The following GNA12 variants were observed in gnomAD, a reference collection of about 807,000 sequenced individuals.
GNA12 encodes the protein G protein subunit alpha 12.
A neutral mutation model predicts 26.0 loss-of-function variants in GNA12; 9 were observed. The observed-to-expected ratio is 0.35, with a 90% confidence interval of 0.21 to 0.60. GNA12 has a LOEUF of 0.60. Ranked by LOEUF, GNA12 falls within the 20% of genes least tolerant of loss-of-function variation. The probability of loss-of-function intolerance (pLI) is 0.78; values close to 1 mark genes in which losing one functional copy is unlikely to be tolerated. For missense variants in GNA12, 405 were observed against 525.8 expected (o/e 0.77, Z 2.25); for synonymous variants, 264 against 219.6 (o/e 1.20, Z -1.79).
At chr7:2,791,488 C>A (rs779785994) in intron 2 of GNA12, among the ~76,000 whole-genome samples, 2 of 152,184 alleles carry the variant, frequency 1.3e-5, no homozygotes, top group African/African-American at 4.8e-5. Flanking sequence ...TTTTTTCCTC[C>A]TCTTTTTGTT....
intron 2 of GNA12, among the ~76,000 whole-genome samples, chr7:2,760,958 C>T (rs970861195): frequency 6.6e-6 from 1 of 152,216 alleles, no homozygotes; most frequent in African/African-American, 2.4e-5. Context: ...CCTGTCCTTC[C>T]CACAGTCTTG....
rs1322984844 is a variant in GNA12 at position 2,729,597 on chromosome 7, G to C, written c.*1584C>G. 6.6e-6 allele frequency: 1 copy of C among 152,358 alleles called. No homozygotes were observed. Among genetic ancestry groups the C allele is most frequent in the Non-Finnish European group, 1.5e-5 (1 of 68,048 alleles). 9.4% of individuals were successfully genotyped at this position (152,358 alleles called of 1,614,324 possible). A position where few individuals can be genotyped will look rare whatever the true frequency, so the allele number is the denominator to read the frequency against. On this transcript the variant is annotated 3_prime_UTR_variant, in exon 4 of 4. Transcript: ENST00000275364. ...TCTTCTGCTTCTGCATCTGCCCCAA[G>C]GGCTTGCGTTTACCGGGTTTGCGGA...
rs1210658341 is a variant in GNA12, at chr7:2,843,889, C to A, written c.273G>T (p.Leu91=). 4.5e-6 allele frequency: 7 copies of A among 1,570,240 alleles called. No homozygotes were observed. In the South Asian group the frequency reaches 8.2e-5, roughly 18 times the overall value. Residue 91 remains leucine, a synonymous_variant, in exon 1 of 4, where the codon CTG becomes CTT. Transcript: ENST00000275364. ...TGTCGAAGATGGTGTCGCGGAACTC[C>A]AGCAGCGCCTTCTGGTCGAACTCGC... ...HGREFDQKAL[L]EFRDTIFDNI...
chr7:2,741,489 T>TA (rs1205606527), intron 2 of GNA12, among the ~76,000 whole-genome samples: 6 of 152,204 alleles, frequency 3.9e-5, no homozygotes, highest in Non-Finnish European at 7.3e-5. Context: ...GACTGCCTGT[T>TA]AGCTTTCTAC....
chr7:2,783,518 C>A (rs958114294), intron 2 of GNA12, among the ~76,000 whole-genome samples: 2 of 152,092 alleles, frequency 1.3e-5, no homozygotes, highest in African/African-American at 4.8e-5. Context: ...AACTTCATTT[C>A]CACCTCCACT....
chr7:2,733,644 G>A (rs1234011316), intron 2 of GNA12, 143 bp from the exon 3 acceptor site: 26 of 656,940 alleles, frequency 4.0e-5, no homozygotes, highest in East Asian at 1.4e-4. Context: ...GAGAGTGTCC[G>A]TGTGTTTTCT....
At chr7:2,803,948 C>A (rs1249906845) in intron 1 of GNA12, among the ~76,000 whole-genome samples, 1 of 152,212 alleles carries the variant, frequency 6.6e-6, no homozygotes, top group Non-Finnish European at 1.5e-5. Flanking sequence ...CTCCCCAACC[C>A]CCACCCGCCA....
intron 2 of GNA12, among the ~76,000 whole-genome samples, chr7:2,742,808 T>G (rs923410064): frequency 1.3e-5 from 2 of 152,260 alleles, no homozygotes; most frequent in African/African-American, 4.8e-5. Flanking sequence ...AATGGCATCT[T>G]TAAACATTTC....
At position 2,729,567 on chromosome 7, in the gene GNA12, C is replaced by T. The variant is rs946502957; in HGVS notation, c.*1614G>A. The T allele has an allele frequency of 3.3e-5, 5 of 152,406 alleles. No individual in the cohort carries two copies. Among genetic ancestry groups the T allele is most frequent in the Non-Finnish European group, 4.4e-5 (3 of 68,056 alleles). The allele number at this position is 152,406 out of a possible 1,614,324, so 9.4% of individuals were successfully genotyped here. On this transcript the variant is annotated 3_prime_UTR_variant, in exon 4 of 4. Transcript: ENST00000275364. ...AGGGTGACCCAGAGGCAGGTTTCCC[C>T]TCCCTCTTCTGCTTCTGCATCTGCC... is the stretch of plus-strand genomic sequence containing the variant.
intron 1 of GNA12, among the ~76,000 whole-genome samples, chr7:2,834,073 A>T (rs930586039): frequency 4.6e-5 from 7 of 152,248 alleles, no homozygotes; most frequent in African/African-American, 1.7e-4. Flanking sequence ...CTACACAGAT[A>T]CATGAATTTT....
chr7:2,813,852 C>T (rs903472755), intron 1 of GNA12, among the ~76,000 whole-genome samples: 6 of 152,080 alleles, frequency 3.9e-5, no homozygotes, highest in Non-Finnish European at 7.4e-5. Flanking sequence ...CGTTCCTGGG[C>T]GTGTCTGTGA....
Position 2,729,961 on chromosome 7 carries a change from C to T in GNA12, c.*1220G>A, listed in dbSNP as rs1466491904. ...CGGGCTCCCCCAGGACAGCGGCATC[C>T]GAGAGTGTTTACTCTTCTGCAAGCA... On this transcript the variant is annotated 3_prime_UTR_variant, in exon 4 of 4. Transcript: ENST00000275364. 4.6e-5 allele frequency: 7 copies of T among 152,464 alleles called. No homozygotes were observed. Among genetic ancestry groups the T allele is most frequent in the East Asian group, 1.9e-4 (1 of 5,274 alleles). The allele number at this position is 152,464 out of a possible 1,614,324, so 9.4% of individuals were successfully genotyped here.
chr7:2,815,960 T>C (rs2248390), intron 1 of GNA12, among the ~76,000 whole-genome samples: 64,104 of 152,110 alleles, frequency 0.42, 13,783 homozygotes, highest in Admixed American at 0.48. Flanking sequence ...TGAGAAGCAA[T>C]GGTTGACAGC....
chr7:2,741,926 G>A (rs572183752), intron 2 of GNA12, among the ~76,000 whole-genome samples: 1 of 151,696 alleles, frequency 6.6e-6, no homozygotes, highest in Non-Finnish European at 1.5e-5. Context: ...AGCATTATAA[G>A]ACCATTTCCC....
chr7:2,785,606 G>T (rs926816700), intron 2 of GNA12, among the ~76,000 whole-genome samples: 9 of 152,214 alleles, frequency 5.9e-5, no homozygotes, highest in Admixed American at 2.6e-4. Flanking sequence ...CCTATGAGCT[G>T]AAAAGTGATG....
intron 1 of GNA12, among the ~76,000 whole-genome samples, chr7:2,800,798 A>G (rs1167532641): frequency 6.6e-6 from 1 of 152,068 alleles, no homozygotes; most frequent in East Asian, 1.9e-4. Context: ...GGAAAATGTG[A>G]CTTGAATAAA....
intron 1 of GNA12, among the ~76,000 whole-genome samples, chr7:2,829,495 T>C (rs562570044): frequency 6.6e-6 from 1 of 152,360 alleles, no homozygotes; most frequent in African/African-American, 2.4e-5. Context: ...GATGCACCTA[T>C]GAGATCTATG....
chr7:2,765,921 C>T (rs1469551443), intron 2 of GNA12, among the ~76,000 whole-genome samples: 1 of 145,028 alleles, frequency 6.9e-6, no homozygotes, highest in East Asian at 2.1e-4. Context: ...GGATTACAGG[C>T]GCGAGCCACT....
chr7:2,811,665 T>C (rs965796208), intron 1 of GNA12, among the ~76,000 whole-genome samples: 1 of 152,244 alleles, frequency 6.6e-6, no homozygotes, highest in Non-Finnish European at 1.5e-5. Context: ...GCGCTTCCCC[T>C]GACAGGCTCT....
Sources: allele counts gnomAD v4.1 joint callset (sites outside exome capture counted in the v4.1 genomes callset), GRCh38; gene constraint gnomAD v4.1.1; transcripts MANE v1.5; gene names NCBI Gene and HGNC (gene_info 2026-07-23, HGNC 2026-07-21).